VPS13C: variants seen among roughly 807,000 people sequenced by gnomAD.
VPS13C encodes the protein intermembrane lipid transfer protein VPS13C.
VPS13C carries 358 observed loss-of-function variants against 456.8 expected under a neutral mutation model. The ratio of observed to expected loss-of-function variants is 0.78; its 90% CI spans 0.72 to 0.86. VPS13C has a LOEUF of 0.86. Among genes scored for constraint, VPS13C ranks in the 40% least tolerant of loss-of-function variants. VPS13C has a pLI of 0.00. For missense variants in VPS13C, 4,818 were observed against 4,385.4 expected (o/e 1.10, Z -2.79); for synonymous variants, 1,578 against 1,486.7 (o/e 1.06, Z -1.41).
intron 68 of VPS13C, among the ~76,000 whole-genome samples, 174 bp from the exon 69 acceptor site, chr15:61,882,910 T>C (rs1256198632): frequency 1.3e-5 from 2 of 152,192 alleles, no homozygotes; most frequent in Non-Finnish European, 2.9e-5. Context: ...ACCACTTTTC[T>C]ACCAGTTATT....
At chr15:61,985,078 G>T in intron 18 of VPS13C, 79 bp from the exon 19 acceptor site, 2 of 1,178,840 alleles carry the variant, frequency 1.7e-6, no homozygotes, top group Non-Finnish European at 2.2e-6. Flanking sequence ...ATTTAAATTT[G>T]CTGAATTATA....
intron 14 of VPS13C, 68 bp from the exon 15 acceptor site, chr15:62,007,547 A>G: frequency 7.4e-7 from 1 of 1,345,556 alleles, no homozygotes; most frequent in Non-Finnish European, 9.8e-7. Context: ...AAAAGTCTTG[A>G]CATTTTAGAT....
rs1213546085 is a variant in VPS13C, at chr15:62,017,853, C to T, written c.684+2626G>A. On this transcript the variant is annotated intron_variant, in intron 9 of 84. Coordinates refer to ENST00000644861, the MANE Select transcript of VPS13C (RefSeq NM_020821.3). Reference sequence around the variant, plus strand: ...CATTGGTAGCTTGATGGGGATGGCACTGAATCTATAAATTATCTTGGGCAG... The same window carrying T: ...CATTGGTAGCTTGATGGGGATGGCATTGAATCTATAAATTATCTTGGGCAG... Among the ~76,000 whole-genome samples the T allele has an allele frequency of 2.4e-4, 36 of 152,118 alleles. 1 individual carries two copies. The highest frequency in any genetic ancestry group is 1.5e-3 in the East Asian group (8 of 5,172).
chr15:61,882,639 G>A lies in VPS13C; in HGVS notation c.9581C>T (p.Ser3194Phe). ...LSGIQIEFKQSSHQRSLRARL... is the reference protein window; with the variant it reads ...LSGIQIEFKQFSHQRSLRARL... ...GGCCCTTAAACTTCTCTGGTGAGAAGACTGCTTAAATTCAATCTGAATTCC... is the reference window on the plus strand; with the variant it reads ...GGCCCTTAAACTTCTCTGGTGAGAAAACTGCTTAAATTCAATCTGAATTCC... Residue 3194 changes from serine to phenylalanine, a missense_variant, in exon 69 of 85, where the codon TCT (serine) becomes TTT (phenylalanine). Coordinates refer to ENST00000644861, the MANE Select transcript of VPS13C (RefSeq NM_020821.3). The A allele has an allele frequency of 6.2e-7, 1 of 1,602,946 alleles. No homozygotes were observed. Among genetic ancestry groups the A allele is most frequent in the Non-Finnish European group, 8.5e-7 (1 of 1,174,972 alleles).
At position 61,947,281 on chromosome 15, in the gene VPS13C, C is replaced by T. The variant is rs112943688; in HGVS notation, c.4788G>A (p.Val1596=). 19 of 1,608,324 alleles carry T rather than the reference C, an allele frequency of 1.2e-5. No individual in the cohort carries two copies. The highest frequency in any genetic ancestry group is 9.4e-5 in the African/African-American group (7 of 74,614). The stretch of plus-strand genomic sequence containing the variant: ...ATTCAGCTGTGATCTTTAAATCAAA[C>T]ACATCCTTTTGGGAAATGTTGCTGG... ...AVSSNISQKD[V]FDLKITAELN... is the part of the protein sequence containing the mutation. The change falls in exon 43 of 85, where the codon GTG becomes GTA. Residue 1596 remains valine (V), a synonymous_variant. Coordinates refer to ENST00000644861, the MANE Select transcript of VPS13C (RefSeq NM_020821.3).
Position 61,969,378 on chromosome 15 carries a change from T to C in VPS13C, c.2832A>G (p.Thr944=), listed in dbSNP as rs745628358. Residue 944 remains threonine, a synonymous_variant, in exon 28 of 85, where the codon ACA becomes ACG. Transcript: ENST00000644861. Reference sequence around the variant, plus strand: ...AGTCAAATGTTCTCATTGTGGCCTCTGTTCCTAACTGAGTAACATTAAATA... The same window carrying C: ...AGTCAAATGTTCTCATTGTGGCCTCCGTTCCTAACTGAGTAACATTAAATA... ...ILVFNVTQLG[T]EATMRTFDLT... The C allele has an allele frequency of 6.3e-7, 1 of 1,599,262 alleles. No individual in the cohort carries two copies. Among genetic ancestry groups the C allele is most frequent in the South Asian group, 1.1e-5 (1 of 87,940 alleles).
At chr15:61,950,860 G>T in intron 40 of VPS13C, 85 bp downstream of exon 40, 1 of 898,128 alleles carries the variant, frequency 1.1e-6, no homozygotes, top group Non-Finnish European at 1.6e-6. Flanking sequence ...AAAATGTTGG[G>T]AGAGAAAATG....
intron 66 of VPS13C, among the ~76,000 whole-genome samples, chr15:61,903,546 T>G (rs537285244): frequency 6.6e-6 from 1 of 152,302 alleles, no homozygotes. Context: ...TCATGGTTTA[T>G]AAGAATTTAA....
intron 21 of VPS13C, among the ~76,000 whole-genome samples, 165 bp from the exon 22 acceptor site, chr15:61,981,643 G>A (rs1355801759): frequency 1.2e-4 from 19 of 152,126 alleles, no homozygotes; most frequent in Admixed American, 1.2e-3. Flanking sequence ...GGCAGATCAC[G>A]AGGTCAGGAG....
intron 1 of VPS13C, among the ~76,000 whole-genome samples, chr15:62,046,668 G>A (rs1016984793): frequency 5.9e-5 from 9 of 152,146 alleles, no homozygotes; most frequent in South Asian, 2.1e-4. Context: ...AATCATCTGC[G>A]TTAGAGATGA....
rs376861755 is a variant in VPS13C, at chr15:62,012,165, C to G, written c.826-1G>C. ...TAAGAATTTCATTTTTCAGCTGATC[C>G]TAAACAAAAAATTTGAATGAGAATG... On this transcript the variant is annotated splice_acceptor_variant, in intron 11 of 84. Transcript: ENST00000644861. LOFTEE classifies it high-confidence loss of function. 3.3e-6 allele frequency: 5 copies of G among 1,531,904 alleles called. No individual in the cohort carries two copies. The highest frequency in any genetic ancestry group is 4.5e-6 in the Non-Finnish European group (5 of 1,113,086). 94.9% of individuals were successfully genotyped at this position (1,531,904 alleles called of 1,614,324 possible). A position where few individuals can be genotyped will look rare whatever the true frequency, so the allele number is the denominator to read the frequency against.
intron 2 of VPS13C, among the ~76,000 whole-genome samples, chr15:62,043,392 G>C (rs2140726353): frequency 6.6e-6 from 1 of 152,300 alleles, no homozygotes; most frequent in East Asian, 1.9e-4. Flanking sequence ...GACCACCTGA[G>C]GTCAGGAGTT....
At chr15:62,000,522 T>C in intron 16 of VPS13C, 42 bp downstream of exon 16, 1 of 1,566,604 alleles carries the variant, frequency 6.4e-7, no homozygotes, top group African/African-American at 1.4e-5. Context: ...AAGCGGGCAT[T>C]AACATGTTTA....
chr15:61,899,705 C>T (rs1292812198), intron 66 of VPS13C, among the ~76,000 whole-genome samples: 3 of 150,988 alleles, frequency 2.0e-5, no homozygotes, highest in Non-Finnish European at 1.5e-5. Context: ...TGGTACCATT[C>T]CTTCTGAAAC....
intron 5 of VPS13C, among the ~76,000 whole-genome samples, chr15:62,032,408 G>A: frequency 6.6e-6 from 1 of 151,636 alleles, no homozygotes. Flanking sequence ...GAAAATAAGA[G>A]AAAAAATGTT....
At chr15:62,029,322 C>A (rs889735335) in intron 5 of VPS13C, among the ~76,000 whole-genome samples, 7 of 152,074 alleles carry the variant, frequency 4.6e-5, no homozygotes, top group Non-Finnish European at 7.4e-5. Flanking sequence ...TTACCATTAA[C>A]ATCATCAGAG....
At chr15:61,969,273 A>G (rs775535299) in intron 28 of VPS13C, 26 bp downstream of exon 28, 2 of 1,508,698 alleles carry the variant, frequency 1.3e-6, no homozygotes, top group South Asian at 2.5e-5. Context: ...ATTATAGGCT[A>G]TTATTTCTAT....
In VPS13C at chr15:62,048,273, C is replaced by T. The variant is rs545790884; in HGVS notation, c.101-4018G>A. On this transcript the variant is annotated intron_variant, in intron 1 of 84. Transcript: ENST00000644861. The stretch of plus-strand genomic sequence containing the variant: ...CTCCCCCCACCCCCCCCAACAGGCC[C>T]CTGTGTGTGATGATGTTCCCCTTCC... 4.0e-4 allele frequency among the ~76,000 whole-genome samples: 53 copies of T among 133,900 alleles called. No individual in the cohort carries two copies. In the East Asian group the frequency reaches 0.012, roughly 30 times the overall value. 87.8% of individuals were successfully genotyped at this position (133,900 alleles called of 152,430 possible). A position where few individuals can be genotyped will look rare whatever the true frequency, so the allele number is the denominator to read the frequency against.
intron 82 of VPS13C, among the ~76,000 whole-genome samples, chr15:61,860,953 C>CTTTTTTTTTTTTT (rs781045840): frequency 3.3e-5 from 3 of 89,700 alleles, no homozygotes; most frequent in African/African-American, 4.2e-5. Context: ...TATTTTCTTT[C>CTTTTTTTTTTTTT]TTTTTTTTTT....
Sources: allele counts gnomAD v4.1 joint callset (sites outside exome capture counted in the v4.1 genomes callset), GRCh38; gene constraint gnomAD v4.1.1; transcripts MANE v1.5; gene names NCBI Gene and HGNC (gene_info 2026-07-23, HGNC 2026-07-21).